Variants in TSPAN5 observed in about 807,000 individuals in gnomAD.
The protein encoded by TSPAN5 is tetraspanin-5.
In TSPAN5, 10 loss-of-function variants were observed where a neutral mutation model predicts 37.1. The ratio of observed to expected loss-of-function variants is 0.27; its 90% CI spans 0.17 to 0.46. The LOEUF (loss-of-function observed/expected upper bound fraction) is 0.46, where lower values mean the gene tolerates loss of function less well. TSPAN5 is among the 20% of genes least tolerant of loss of function. The pLI, the probability that TSPAN5 is intolerant of heterozygous loss-of-function variation, is 1.00. For synonymous variants in TSPAN5, 110 were observed against 118.9 expected (o/e 0.93, Z 0.48); for missense variants, 195 against 326.6 (o/e 0.60, Z 3.11).
At chr4:98,491,205 C>T (rs1279662385) in intron 2 of TSPAN5, among the ~76,000 whole-genome samples, 1 of 152,166 alleles carries the variant, frequency 6.6e-6, no homozygotes, top group East Asian at 1.9e-4. Flanking sequence ...CACTTTACAT[C>T]CACTCGGCAT....
Position 98,572,847 on chromosome 4 carries a change from G to A in TSPAN5, c.82-65119C>T, listed in dbSNP as rs117408108. Among the ~76,000 whole-genome samples the A allele has an allele frequency of 2.0e-4, 31 of 152,312 alleles. 1 individual carries two copies. In the East Asian group the frequency reaches 5.0e-3, roughly 25 times the overall value. On this transcript the variant is annotated intron_variant, in intron 1 of 7. Coordinates refer to ENST00000305798, the MANE Select transcript of TSPAN5 (RefSeq NM_005723.4). Reference sequence around the variant, plus strand: ...TTCACCTGGAACATGTTTACCTAGTGTGACAATGAACAGTCCAGATTGTCT... The same window carrying A: ...TTCACCTGGAACATGTTTACCTAGTATGACAATGAACAGTCCAGATTGTCT...
At chr4:98,477,742 G>A (rs1295458208) in intron 5 of TSPAN5, among the ~76,000 whole-genome samples, 1 of 151,242 alleles carries the variant, frequency 6.6e-6, no homozygotes, top group African/African-American at 2.4e-5. Flanking sequence ...GCTCACTGCA[G>A]CCTCAAACTC....
chr4:98,507,554 C>G (rs546896447), intron 2 of TSPAN5, 124 bp downstream of exon 2: 3 of 628,370 alleles, frequency 4.8e-6, no homozygotes, highest in Non-Finnish European at 7.8e-6. Context: ...TCCACCAACA[C>G]TTTTTCTTGT....
intron 5 of TSPAN5, among the ~76,000 whole-genome samples, chr4:98,477,172 G>A (rs535769301): frequency 4.6e-5 from 7 of 152,340 alleles, no homozygotes; most frequent in Admixed American, 1.3e-4. Context: ...AGGAACTGGC[G>A]ACAGGAGGCG....
intron 1 of TSPAN5, among the ~76,000 whole-genome samples, chr4:98,527,585 C>T: frequency 6.6e-6 from 1 of 152,162 alleles, no homozygotes; most frequent in South Asian, 2.1e-4. Context: ...GGTGGAAATG[C>T]AGAACTCTGC....
chr4:98,557,812 T>G (rs529405899), intron 1 of TSPAN5, among the ~76,000 whole-genome samples: 14 of 152,332 alleles, frequency 9.2e-5, no homozygotes, highest in Admixed American at 9.1e-4. Flanking sequence ...GCACTTAACC[T>G]CTGTGGGTCT....
At chr4:98,530,668 C>T (rs1020786654) in intron 1 of TSPAN5, among the ~76,000 whole-genome samples, 2 of 152,058 alleles carry the variant, frequency 1.3e-5, no homozygotes, top group Admixed American at 1.3e-4. Flanking sequence ...TTTTCATTTG[C>T]AGAGTAAACT....
chr4:98,587,659 G>A (rs1473638792), intron 1 of TSPAN5, among the ~76,000 whole-genome samples: 2 of 152,168 alleles, frequency 1.3e-5, no homozygotes, highest in Admixed American at 6.5e-5. Context: ...GGAGGCTGAG[G>A]CGGGCAGATC....
chr4:98,560,151 T>C (rs528816456), intron 1 of TSPAN5: 1 of 152,340 alleles, frequency 6.6e-6, no homozygotes, highest in East Asian at 1.9e-4. Flanking sequence ...CCAACCCAGA[T>C]AACAAGACAA....
intron 1 of TSPAN5, among the ~76,000 whole-genome samples, chr4:98,568,318 G>A (rs1048266588): frequency 2.0e-5 from 3 of 152,134 alleles, no homozygotes; most frequent in Non-Finnish European, 4.4e-5. Context: ...CAAGGCAGGC[G>A]GATCAAGAGG....
At chr4:98,560,159 C>CTGCTAGT (rs1243487867) in intron 1 of TSPAN5, 1 of 152,212 alleles carries the variant, frequency 6.6e-6, no homozygotes, top group African/African-American at 2.4e-5. Flanking sequence ...GATAACAAGA[C>CTGCTAGT]AAGCTGCTAA....
intron 1 of TSPAN5, among the ~76,000 whole-genome samples, chr4:98,579,054 G>A (rs1031979772): frequency 2.0e-5 from 3 of 152,126 alleles, no homozygotes; most frequent in Admixed American, 2.0e-4. Flanking sequence ...ATAGGAAGAC[G>A]TGCTGGATGG....
chr4:98,538,957 C>T (rs1248474995), intron 1 of TSPAN5, among the ~76,000 whole-genome samples: 3 of 152,038 alleles, frequency 2.0e-5, no homozygotes, highest in African/African-American at 7.2e-5. Flanking sequence ...GATATGAAAA[C>T]GTCCCCTATC....
rs527728996 is a variant in TSPAN5 at position 98,548,191 on chromosome 4, G to A, written c.82-40463C>T. Among the ~76,000 whole-genome samples the A allele has an allele frequency of 7.6e-4, 115 of 152,006 alleles. 1 individual carries two copies. Among genetic ancestry groups the A allele is most frequent in the African/African-American group, 2.6e-3 (106 of 41,474 alleles). Reference sequence around the variant, plus strand: ...AGTATGTATCACCTTTCCTAGTGCCGAACACATTCATGGCAAAAAATTAGT... The same window carrying A: ...AGTATGTATCACCTTTCCTAGTGCCAAACACATTCATGGCAAAAAATTAGT... On this transcript the variant is annotated intron_variant, in intron 1 of 7. Coordinates refer to ENST00000305798, the MANE Select transcript of TSPAN5 (RefSeq NM_005723.4).
intron 1 of TSPAN5, among the ~76,000 whole-genome samples, chr4:98,536,499 G>T (rs1353386742): frequency 2.6e-5 from 4 of 152,224 alleles, no homozygotes; most frequent in African/African-American, 9.6e-5. Flanking sequence ...GAGGAGGCAG[G>T]CTGACCCTCA....
At chr4:98,657,856 A>C (rs576373094) in intron 1 of TSPAN5, among the ~76,000 whole-genome samples, 1 of 151,604 alleles carries the variant, frequency 6.6e-6, no homozygotes, top group East Asian at 2.0e-4. Context: ...CAAACTGCCG[A>C]ACCCTTTCTT....
chr4:98,586,816 T>G (rs1477618922), intron 1 of TSPAN5, among the ~76,000 whole-genome samples: 1 of 152,236 alleles, frequency 6.6e-6, no homozygotes, highest in East Asian at 1.9e-4. Flanking sequence ...CATGCACCCT[T>G]GCCAACTCTT....
At chr4:98,486,953 A>G in intron 2 of TSPAN5, 69 bp from the exon 3 acceptor site, 6 of 1,558,978 alleles carry the variant, frequency 3.8e-6, no homozygotes, top group Non-Finnish European at 5.2e-6. Context: ...TGTAAAGATT[A>G]TTGCATTTGT....
intron 1 of TSPAN5, among the ~76,000 whole-genome samples, chr4:98,569,509 A>G (rs989393907): frequency 1.3e-5 from 2 of 152,214 alleles, no homozygotes; most frequent in Admixed American, 6.5e-5. Context: ...TGGCTGCGGC[A>G]GAGTGCAGGA....
Sources: gnomAD v4.1 joint callset for allele counts (sites outside exome capture counted in the v4.1 genomes callset) on GRCh38, gnomAD v4.1.1 for gene constraint, MANE v1.5 for transcripts, NCBI Gene and HGNC (gene_info 2026-07-23, HGNC 2026-07-21) for gene names.